Variants in DYNAP observed in about 807,000 individuals in gnomAD.
DYNAP encodes dynactin associated protein.
In DYNAP, 7 loss-of-function variants were observed where a neutral mutation model predicts 8.5. That is an observed-to-expected ratio of 0.82 (90% CI 0.47 to 1.54). The LOEUF is 1.54. Among genes scored for constraint, DYNAP ranks in the 40% most tolerant of loss-of-function variants. DYNAP has a pLI of 0.01. For synonymous variants in DYNAP, 77 were observed against 77.9 expected (o/e 0.99, Z 0.06); for missense variants, 256 against 224.3 (o/e 1.14, Z -0.90).
At chr18:54,580,299 A>G in the DYNAP span, among the ~76,000 whole-genome samples, 81 of 152,222 alleles carry the variant, frequency 5.3e-4, no homozygotes, top group Non-Finnish European at 1.0e-3. Flanking sequence ...TTCACCACTG[A>G]AAGACACCAC....
At chr18:54,578,263 CCA>C in the DYNAP span, among the ~76,000 whole-genome samples, 3 of 152,256 alleles carry the variant, frequency 2.0e-5, no homozygotes, top group East Asian at 1.9e-4. Flanking sequence ...TTACATATTA[CCA>C]CAGTTTCCTT....
chr18:54,580,241 G>T, the DYNAP span, among the ~76,000 whole-genome samples: 1 of 152,190 alleles, frequency 6.6e-6, no homozygotes, highest in African/African-American at 2.4e-5. Flanking sequence ...GACTTGGGCT[G>T]CAACATTTGT....
rs766829931 is a variant in DYNAP, at chr18:54,597,835, A to G, written c.245A>G (p.Asp82Gly). 1 of 1,608,730 alleles carries G rather than the reference A, an allele frequency of 6.2e-7. No homozygotes were observed. The highest frequency in any genetic ancestry group is 8.5e-7 in the Non-Finnish European group (1 of 1,175,798). The part of the protein sequence containing the change: ...NTQVKEYCRN[D>G]WSMWKVFLAC... ...TAGGTAAAAGAATATTGCCGCAATGACTGGTCTATGTGGAAAGTCTTCCTG... is the reference window on the plus strand; with the variant it reads ...TAGGTAAAAGAATATTGCCGCAATGGCTGGTCTATGTGGAAAGTCTTCCTG... The change falls in exon 3 of 3, where the codon GAC (aspartate) becomes GGC (glycine). Residue 82 changes from aspartate (D) to glycine (G), a missense_variant. Asp to Gly is a moderately conservative substitution (Grantham distance 94). Transcript: ENST00000648945.
At chr18:54,581,897 A>T in the DYNAP span, among the ~76,000 whole-genome samples, 2 of 152,238 alleles carry the variant, frequency 1.3e-5, no homozygotes, top group Non-Finnish European at 1.5e-5. Flanking sequence ...AAGTTCTGCC[A>T]GCAATTTTAA....
At position 54,598,293 on chromosome 18, in the gene DYNAP, C is replaced by A. The variant is rs1911402409; in HGVS notation, c.*148C>A. On this transcript the variant is annotated 3_prime_UTR_variant, in exon 3 of 3. Coordinates refer to ENST00000648945, the MANE Select transcript of DYNAP (RefSeq NM_173629.3). ...GACTCTATAACCGTTACAACTTCAA[C>A]AAAATCAAGTCCTACTTCAACTTAA... 2.5e-6 allele frequency: 2 copies of A among 788,484 alleles called. No homozygotes were observed. The highest frequency in any genetic ancestry group is 3.8e-6 in the Non-Finnish European group (2 of 520,760). The allele number at this position is 788,484 out of a possible 1,614,324, so 48.8% of individuals were successfully genotyped here.
the DYNAP span, among the ~76,000 whole-genome samples, chr18:54,582,102 C>T: frequency 0.025 from 3,853 of 152,248 alleles, 86 homozygotes; most frequent in Admixed American, 0.075. Flanking sequence ...CTGGCTAACA[C>T]AGTGAAACCC....
the DYNAP span, among the ~76,000 whole-genome samples, chr18:54,582,378 GT>G: frequency 6.6e-6 from 1 of 152,084 alleles, no homozygotes; most frequent in East Asian, 1.9e-4. Context: ...AAAGAAATAT[GT>G]TTTCTAATTT....
chr18:54,590,481 GAT>G (rs1343213977), upstream of DYNAP, among the ~76,000 whole-genome samples: 4 of 152,068 alleles, frequency 2.6e-5, no homozygotes, highest in Non-Finnish European at 5.9e-5. Flanking sequence ...AAATTTCAAA[GAT>G]TAAACTTTAA....
upstream of DYNAP, among the ~76,000 whole-genome samples, chr18:54,582,918 C>T (rs1331049397): frequency 2.0e-5 from 3 of 152,108 alleles, no homozygotes; most frequent in African/African-American, 4.8e-5. Flanking sequence ...TATTTTTTAA[C>T]GTTTTTACAA....
rs561029083 is a variant in DYNAP, at chr18:54,598,185, C to T, written c.*40C>T. 2 of 1,563,586 alleles carry T rather than the reference C, an allele frequency of 1.3e-6. No homozygotes were observed. Among genetic ancestry groups the T allele is most frequent in the South Asian group, 2.4e-5 (2 of 82,602 alleles). ...GCCATCACTTCAACTGAAACTTCAACCTCTACCACTTCAACTCAGTTTGCA... is the reference window on the plus strand; with the variant it reads ...GCCATCACTTCAACTGAAACTTCAATCTCTACCACTTCAACTCAGTTTGCA... On this transcript the variant is annotated 3_prime_UTR_variant, in exon 3 of 3. Transcript: ENST00000648945.
rs757836052 is a variant in DYNAP, at chr18:54,595,007, AACC to A, written c.128_130del (p.Thr43del). 1.6e-5 allele frequency: 26 copies of A among 1,612,712 alleles called. No individual in the cohort carries two copies. In the Admixed American group the frequency reaches 4.2e-4, roughly 26 times the overall value. ...GCTGGTGTCTACCTTCAAATGATAT[AACC>A]AGTGATGTCTCTCCCAACTTAACTG... On this transcript the variant is annotated inframe_deletion, in exon 2 of 3. Coordinates refer to ENST00000648945, the MANE Select transcript of DYNAP (RefSeq NM_173629.3).
chr18:54,584,931 A>T (rs1395499831), upstream of DYNAP, among the ~76,000 whole-genome samples: 1 of 152,202 alleles, frequency 6.6e-6, no homozygotes, highest in Admixed American at 6.5e-5. Flanking sequence ...AAGTTCAGAG[A>T]CATGTGGGCC....
At chr18:54,578,166 A>T in the DYNAP span, among the ~76,000 whole-genome samples, 2 of 152,158 alleles carry the variant, frequency 1.3e-5, no homozygotes, top group African/African-American at 2.4e-5. Flanking sequence ...TGGAAACTTC[A>T]TCTACTTCAG....
chr18:54,591,127 T>C (rs368060476), upstream of DYNAP: 2,784 of 1,387,660 alleles, frequency 2.0e-3, 57 homozygotes, highest in South Asian at 0.043. Context: ...CCTGTTTTAG[T>C]GAATAATTAG....
chr18:54,593,424 G>A (rs1449117958), intron 1 of DYNAP, among the ~76,000 whole-genome samples: 1 of 152,076 alleles, frequency 6.6e-6, no homozygotes, highest in African/African-American at 2.4e-5. Flanking sequence ...TATTCAGTGG[G>A]TATTATGTGC....
chr18:54,598,170 C>T lies in DYNAP; in HGVS notation c.*25C>T. The T allele has an allele frequency of 6.3e-7, 1 of 1,578,896 alleles. No homozygotes were observed. Among genetic ancestry groups the T allele is most frequent in the Non-Finnish European group, 8.6e-7 (1 of 1,160,436 alleles). Reference sequence around the variant, plus strand: ...ATTTGAACAGCCATAGCCATCACTTCAACTGAAACTTCAACCTCTACCACT... The same window carrying T: ...ATTTGAACAGCCATAGCCATCACTTTAACTGAAACTTCAACCTCTACCACT... On this transcript the variant is annotated 3_prime_UTR_variant, in exon 3 of 3. Transcript: ENST00000648945.
upstream of DYNAP, among the ~76,000 whole-genome samples, chr18:54,582,770 A>G (rs1286121877): frequency 6.6e-6 from 1 of 152,008 alleles, no homozygotes; most frequent in Non-Finnish European, 1.5e-5. Flanking sequence ...CTTTTGAGCT[A>G]TTTCTTCTTT....
At chr18:54,594,903 C>T in intron 1 of DYNAP, 36 bp from the exon 2 acceptor site, 1 of 1,579,162 alleles carries the variant, frequency 6.3e-7, no homozygotes, top group South Asian at 1.2e-5. Flanking sequence ...CCATGGTTTC[C>T]TAGGCTTCCT....
At chr18:54,586,751 C>T (rs1336102177), upstream of DYNAP, among the ~76,000 whole-genome samples, 1 of 152,132 alleles carries the variant, frequency 6.6e-6, no homozygotes, top group East Asian at 1.9e-4. Flanking sequence ...TGAAAGCATA[C>T]ATGTGTCATC....
Sources: allele counts gnomAD v4.1 joint callset (sites outside exome capture counted in the v4.1 genomes callset), GRCh38; gene constraint gnomAD v4.1.1; transcripts MANE v1.5; gene names NCBI Gene and HGNC (gene_info 2026-07-23, HGNC 2026-07-21).